The following ANKS1B variants were observed in gnomAD, a reference collection of about 807,000 sequenced individuals.
ANKS1B encodes ankyrin repeat and sterile alpha motif domain containing 1B, also known as ankyrin repeat and sterile alpha motif domain-containing protein 1B.
ANKS1B carries 36 observed loss-of-function variants against 148.3 expected under a neutral mutation model. The ratio of observed to expected loss-of-function variants is 0.24; its 90% CI spans 0.19 to 0.32. The LOEUF (loss-of-function observed/expected upper bound fraction) is 0.32, where lower values mean the gene tolerates loss of function less well. Ranked by LOEUF, ANKS1B falls within the 10% of genes least tolerant of loss-of-function variation. ANKS1B has a pLI of 1.00. For synonymous variants in ANKS1B, 542 were observed against 560.8 expected (o/e 0.97, Z 0.47); for missense variants, 1,157 against 1,542.6 (o/e 0.75, Z 4.19).
chr12:99,460,344 C>T lies in ANKS1B; in HGVS notation c.1439-16535G>A, dbSNP rs190677005. The stretch of plus-strand genomic sequence containing the variant: ...ATAACATTGGAAAAACCTTTCTAGA[C>T]ATTGGCTTAAGCAAAGACTTCATGA... On this transcript the variant is annotated intron_variant, in intron 10 of 26. Coordinates refer to ENST00000683438, the MANE Select transcript of ANKS1B (RefSeq NM_001352186.2). Among the ~76,000 whole-genome samples, 10 of 152,266 alleles carry T rather than the reference C, an allele frequency of 6.6e-5. No homozygotes were observed. In the East Asian group the frequency reaches 7.7e-4, roughly 12 times the overall value.
At chr12:99,670,616 A>G (rs2098533365) in intron 8 of ANKS1B, among the ~76,000 whole-genome samples, 2 of 152,192 alleles carry the variant, frequency 1.3e-5, no homozygotes, top group Admixed American at 6.6e-5. Context: ...GTAAAGACAC[A>G]TATCTATACA....
intron 1 of ANKS1B, among the ~76,000 whole-genome samples, chr12:99,903,977 G>C (rs577438828): frequency 9.9e-5 from 15 of 152,268 alleles, no homozygotes; most frequent in African/African-American, 3.4e-4. Flanking sequence ...CATATTTCAA[G>C]TGATCAAGAG....
intron 8 of ANKS1B, among the ~76,000 whole-genome samples, chr12:99,763,066 A>T (rs1208418473): frequency 6.6e-6 from 1 of 152,166 alleles, no homozygotes; most frequent in Non-Finnish European, 1.5e-5. Flanking sequence ...TAATTCAGCT[A>T]CTATAGAAAT....
At chr12:99,357,651 T>C (rs1307848086) in intron 12 of ANKS1B, among the ~76,000 whole-genome samples, 1 of 152,164 alleles carries the variant, frequency 6.6e-6, no homozygotes, top group Non-Finnish European at 1.5e-5. Flanking sequence ...TGGTTTTGCC[T>C]ACTATTATGT....
intron 4 of ANKS1B, among the ~76,000 whole-genome samples, chr12:99,794,460 T>TACACACACACACACACACACACACAC (rs148663206): frequency 2.1e-4 from 30 of 143,662 alleles, no homozygotes; most frequent in Admixed American, 1.1e-3. Context: ...GAAAATGTGG[T>TACACACACACACACACACACACACAC]ACACACACAC....
intron 9 of ANKS1B, among the ~76,000 whole-genome samples, chr12:99,565,295 G>A (rs1471867148): frequency 6.6e-6 from 1 of 152,114 alleles, no homozygotes; most frequent in Non-Finnish European, 1.5e-5. Context: ...GTGGGGATGA[G>A]GCTCTTCATT....
intron 17 of ANKS1B, chr12:98,895,286 TA>T (rs1417100549): frequency 1.0e-6 from 1 of 985,176 alleles, no homozygotes; most frequent in Non-Finnish European, 1.2e-6. Context: ...CATCCTCGGT[TA>T]CTATGGATAT....
intron 10 of ANKS1B, among the ~76,000 whole-genome samples, chr12:99,494,164 A>G (rs2096580610): frequency 6.6e-6 from 1 of 152,198 alleles, no homozygotes. Flanking sequence ...AAAAGTGAGG[A>G]TCGAGAAATG....
At chr12:98,741,193 CA>C (rs886207744), downstream of ANKS1B, among the ~76,000 whole-genome samples, 4 of 152,166 alleles carry the variant, frequency 2.6e-5, no homozygotes, top group Non-Finnish European at 5.9e-5. Context: ...TGGTGAATAA[CA>C]GCAATTCAAC....
intron 12 of ANKS1B, among the ~76,000 whole-genome samples, chr12:99,354,986 A>C (rs958130619): frequency 1.3e-5 from 2 of 152,118 alleles, no homozygotes; most frequent in South Asian, 2.1e-4. Flanking sequence ...TGTGATGTCA[A>C]TAAAAGGTCA....
intron 14 of ANKS1B, among the ~76,000 whole-genome samples, chr12:99,170,662 C>T (rs1017806919): frequency 1.3e-5 from 2 of 152,040 alleles, no homozygotes; most frequent in African/African-American, 2.4e-5. Flanking sequence ...TTCCAACAGA[C>T]AAAAATGCAT....
At chr12:98,878,814 TGA>T (rs1345337077) in intron 17 of ANKS1B, among the ~76,000 whole-genome samples, 3 of 152,214 alleles carry the variant, frequency 2.0e-5, no homozygotes, top group Non-Finnish European at 2.9e-5. Flanking sequence ...AGTGCCCCTT[TGA>T]GAGATAATGG....
intron 10 of ANKS1B, among the ~76,000 whole-genome samples, chr12:99,464,380 A>C (rs968925494): frequency 6.6e-6 from 1 of 152,242 alleles, no homozygotes; most frequent in Non-Finnish European, 1.5e-5. Flanking sequence ...TAAAAAGCAG[A>C]GCACCTCTCC....
At chr12:99,095,917 CT>C (rs1422975155) in intron 15 of ANKS1B, among the ~76,000 whole-genome samples, 1 of 152,116 alleles carries the variant, frequency 6.6e-6, no homozygotes, top group Non-Finnish European at 1.5e-5. Flanking sequence ...ATTTTGGTTT[CT>C]ATTAAAAACT....
chr12:99,624,349 G>C (rs1194542428), intron 9 of ANKS1B, among the ~76,000 whole-genome samples: 1 of 152,070 alleles, frequency 6.6e-6, no homozygotes, highest in Admixed American at 6.6e-5. Context: ...CCTTGACAAA[G>C]AGTTTATGGC....
At chr12:99,877,142 T>C (rs74679383) in intron 1 of ANKS1B, among the ~76,000 whole-genome samples, 4,868 of 151,900 alleles carry the variant, frequency 0.032, 231 homozygotes, top group African/African-American at 0.11. Context: ...TGGGGTGATA[T>C]CCATAATTGT....
intron 8 of ANKS1B, among the ~76,000 whole-genome samples, chr12:99,716,975 G>T (rs1392174962): frequency 6.6e-6 from 1 of 152,038 alleles, no homozygotes; most frequent in Non-Finnish European, 1.5e-5. Context: ...TCACCCACCT[G>T]CCCAGCAATT....
At chr12:98,746,375 C>T (rs2097893320) in intron 26 of ANKS1B, among the ~76,000 whole-genome samples, 1 of 152,162 alleles carries the variant, frequency 6.6e-6, no homozygotes, top group African/African-American at 2.4e-5. Context: ...CCCAGGGCCT[C>T]TGCGCTCATC....
At chr12:99,106,130 C>T (rs2059161550) in intron 15 of ANKS1B, among the ~76,000 whole-genome samples, 1 of 152,188 alleles carries the variant, frequency 6.6e-6, no homozygotes, top group African/African-American at 2.4e-5. Context: ...TAGAAATGCT[C>T]ATTGGTACTA....
Sources: gnomAD v4.1 joint callset for allele counts (sites outside exome capture counted in the v4.1 genomes callset) on GRCh38, gnomAD v4.1.1 for gene constraint, MANE v1.5 for transcripts, NCBI Gene and HGNC (gene_info 2026-07-23, HGNC 2026-07-21) for gene names.